MPZL1: variants seen among roughly 807,000 people sequenced by gnomAD.
MPZL1 encodes myelin protein zero like 1.
In MPZL1, 16 loss-of-function variants were observed where a neutral mutation model predicts 29.3. The ratio of observed to expected loss-of-function variants is 0.55; its 90% CI spans 0.37 to 0.83. MPZL1 has a LOEUF of 0.83. Ranked by LOEUF, MPZL1 falls within the 40% of genes least tolerant of loss-of-function variation. The pLI is 0.00. For synonymous variants in MPZL1, 143 were observed against 132.0 expected (o/e 1.08, Z -0.57); for missense variants, 279 against 332.9 (o/e 0.84, Z 1.26).
intron 1 of MPZL1, among the ~76,000 whole-genome samples, chr1:167,738,430 AC>A (rs1399912588): frequency 6.6e-6 from 1 of 152,038 alleles, no homozygotes; most frequent in African/African-American, 2.4e-5. Flanking sequence ...GTAACTACTA[AC>A]CCCATTATTT....
chr1:167,787,796 A>T (rs1448505085), intron 5 of MPZL1, 24 bp from the exon 6 acceptor site: 1 of 1,568,992 alleles, frequency 6.4e-7, no homozygotes, highest in East Asian at 2.2e-5. Flanking sequence ...TCAGTCCTCT[A>T]ATCCTTCTGC....
chr1:167,741,988 A>G (rs879912255), intron 1 of MPZL1, among the ~76,000 whole-genome samples: 1 of 152,040 alleles, frequency 6.6e-6, no homozygotes, highest in Non-Finnish European at 1.5e-5. Context: ...AGCCATGATC[A>G]TGCCACTGCA....
At chr1:167,782,185 C>T (rs1254804600) in intron 5 of MPZL1, among the ~76,000 whole-genome samples, 1 of 152,062 alleles carries the variant, frequency 6.6e-6, no homozygotes, top group Non-Finnish European at 1.5e-5. Context: ...TTTCATATTA[C>T]AGGTTTATTT....
chr1:167,759,680 A>G (rs1219320508), intron 1 of MPZL1, among the ~76,000 whole-genome samples: 2 of 147,462 alleles, frequency 1.4e-5, no homozygotes, highest in Admixed American at 7.0e-5. Flanking sequence ...TCTCGCTGCA[A>G]TCAACTACGC....
chr1:167,731,436 T>G lies in MPZL1; in HGVS notation c.91+9194T>G, dbSNP rs939828012. On this transcript the variant is annotated intron_variant, in intron 1 of 5. Coordinates refer to ENST00000359523, the MANE Select transcript of MPZL1 (RefSeq NM_003953.6). The stretch of plus-strand genomic sequence containing the variant: ...TGGGCGACAGAGTAAAACTGTGTCT[T>G]TTTTTTTTTTTTTTTTTTGAGACGG... Among the ~76,000 whole-genome samples the G allele has an allele frequency of 3.9e-3, 566 of 143,760 alleles. 2 individuals carry two copies. The highest frequency in any genetic ancestry group is 6.6e-3 in the Non-Finnish European group (429 of 65,064). The allele number at this position is 143,760 out of a possible 152,430, so 94.3% of individuals were successfully genotyped here.
intron 1 of MPZL1, among the ~76,000 whole-genome samples, chr1:167,730,708 T>G (rs1371836158): frequency 6.6e-6 from 1 of 152,230 alleles, no homozygotes; most frequent in East Asian, 1.9e-4. Context: ...ACATTACATG[T>G]GGAAGAAGCC....
intron 1 of MPZL1, among the ~76,000 whole-genome samples, chr1:167,724,527 A>G (rs1049190116): frequency 6.6e-6 from 1 of 152,214 alleles, no homozygotes; most frequent in Admixed American, 6.5e-5. Flanking sequence ...CCACTTAGAA[A>G]GTACGTTTGA....
intron 1 of MPZL1, among the ~76,000 whole-genome samples, chr1:167,747,746 GA>G (rs1660675862): frequency 1.3e-5 from 2 of 151,926 alleles, no homozygotes; most frequent in African/African-American, 4.8e-5. Context: ...TTTTTTAACA[GA>G]AGTTTTACTG....
chr1:167,748,024 T>G (rs1223812251), intron 1 of MPZL1, among the ~76,000 whole-genome samples: 1 of 152,226 alleles, frequency 6.6e-6, no homozygotes, highest in Non-Finnish European at 1.5e-5. Context: ...GCATAACATT[T>G]TCAGTTTTCA....
intron 1 of MPZL1, among the ~76,000 whole-genome samples, chr1:167,764,290 C>G (rs1661062505): frequency 6.6e-6 from 1 of 152,120 alleles, no homozygotes; most frequent in Non-Finnish European, 1.5e-5. Context: ...TAACAGCAAT[C>G]CTTAACAATT....
chr1:167,761,516 A>C (rs1660987806), intron 1 of MPZL1, among the ~76,000 whole-genome samples: 1 of 152,072 alleles, frequency 6.6e-6, no homozygotes, highest in Non-Finnish European at 1.5e-5. Context: ...GGACATAGGG[A>C]GGTTCTCTTC....
chr1:167,761,689 G>A (rs150763568), intron 1 of MPZL1, among the ~76,000 whole-genome samples: 1 of 152,338 alleles, frequency 6.6e-6, no homozygotes, highest in African/African-American at 2.4e-5. Context: ...TTGCTAGACA[G>A]CATTAAGAGT....
chr1:167,735,576 G>C (rs145869673), intron 1 of MPZL1, among the ~76,000 whole-genome samples: 3 of 152,240 alleles, frequency 2.0e-5, no homozygotes, highest in Admixed American at 1.3e-4. Flanking sequence ...TAGATAGATA[G>C]ATAGGAATTC....
intron 1 of MPZL1, among the ~76,000 whole-genome samples, chr1:167,746,372 C>T (rs1022488905): frequency 6.6e-6 from 1 of 151,022 alleles, no homozygotes; most frequent in African/African-American, 2.4e-5. Context: ...CTCTGTGTGC[C>T]GTGCGAGGGA....
At chr1:167,762,849 A>G (rs1459128471) in intron 1 of MPZL1, among the ~76,000 whole-genome samples, 2 of 152,204 alleles carry the variant, frequency 1.3e-5, no homozygotes, top group African/African-American at 4.8e-5. Context: ...CAAGAGTAGT[A>G]TTAGAGAAAA....
At chr1:167,737,917 TTTTGTTTGTTTG>T (rs566855772) in intron 1 of MPZL1, among the ~76,000 whole-genome samples, 3 of 143,780 alleles carry the variant, frequency 2.1e-5, no homozygotes, top group South Asian at 2.2e-4. Context: ...TCTTGTGTTT[TTTTGTTTGTTTG>T]TTTGTTTGTT....
intron 1 of MPZL1, among the ~76,000 whole-genome samples, chr1:167,764,146 A>C (rs1213310478): frequency 1.3e-5 from 2 of 152,244 alleles, no homozygotes; most frequent in Admixed American, 6.5e-5. Context: ...AAAATATGGA[A>C]GATGGGTATT....
intron 4 of MPZL1, chr1:167,773,792 G>T (rs2101791150): frequency 6.5e-6 from 1 of 153,240 alleles, no homozygotes; most frequent in East Asian, 1.9e-4. Flanking sequence ...GGAATTAGTG[G>T]CATGTGCCTG....
chr1:167,749,107 C>T (rs1452159879), intron 1 of MPZL1, among the ~76,000 whole-genome samples: 1 of 152,174 alleles, frequency 6.6e-6, no homozygotes, highest in African/African-American at 2.4e-5. Context: ...GAATAAATCC[C>T]AGTCCTTTGG....
Sources: gnomAD v4.1 joint callset for allele counts (sites outside exome capture counted in the v4.1 genomes callset) on GRCh38, gnomAD v4.1.1 for gene constraint, MANE v1.5 for transcripts, NCBI Gene and HGNC (gene_info 2026-07-23, HGNC 2026-07-21) for gene names.